The following TMEM132B variants were observed in gnomAD, a reference collection of about 807,000 sequenced individuals.
TMEM132B encodes the protein transmembrane protein 132B.
Under a neutral mutation model 90.8 loss-of-function variants are expected in TMEM132B, and 18 were observed. That is an observed-to-expected ratio of 0.20 (90% confidence interval 0.14 to 0.29). The LOEUF is 0.29. TMEM132B is among the 10% of genes least tolerant of loss of function. The pLI is 1.00. For missense variants in TMEM132B, 1,096 were observed against 1,326.8 expected (o/e 0.83, Z 2.70); for synonymous variants, 504 against 523.3 (o/e 0.96, Z 0.50).
rs77370594 is a variant in TMEM132B at position 125,342,387 on chromosome 12, A to G, written c.68-7065A>G. On this transcript the variant is annotated intron_variant, in intron 1 of 8. Transcript: ENST00000682704. ...TTTAACTCCCCTCACCCCGTGCCTC[A>G]GTTTCCTCCTCTGTTAAGTGGGATG... Among the ~76,000 whole-genome samples the G allele has an allele frequency of 2.0e-5, 3 of 152,312 alleles. No individual in the cohort carries two copies. In the East Asian group the frequency reaches 5.8e-4, roughly 29 times the overall value.
rs1387405730 is a variant in TMEM132B, at chr12:125,603,484, A to C, written c.1437+19490A>C. On this transcript the variant is annotated intron_variant, in intron 5 of 8. Transcript: ENST00000682704. ...ATTAAAGACTTACATGTGAAACCCCAAACCATAAAAACCCCACAAGAAAAC... is the reference window on the plus strand; with the variant it reads ...ATTAAAGACTTACATGTGAAACCCCCAACCATAAAAACCCCACAAGAAAAC... Among the ~76,000 whole-genome samples the C allele has an allele frequency of 1.2e-4, 18 of 152,216 alleles. 1 individual carries two copies.
intron 3 of TMEM132B, among the ~76,000 whole-genome samples, chr12:125,417,215 G>C (rs530281836): frequency 1.3e-4 from 20 of 152,126 alleles, no homozygotes; most frequent in African/African-American, 4.6e-4. Flanking sequence ...AGACTGGAAG[G>C]GGGAGGCGGG....
At chr12:125,614,292 C>A (rs577761730) in intron 5 of TMEM132B, among the ~76,000 whole-genome samples, 1 of 152,254 alleles carries the variant, frequency 6.6e-6, no homozygotes, top group South Asian at 2.1e-4. Flanking sequence ...TAGTAGTCCA[C>A]AGTGTCTGTT....
intron 4 of TMEM132B, among the ~76,000 whole-genome samples, chr12:125,581,727 T>C (rs75855696): frequency 6.6e-6 from 1 of 151,846 alleles, no homozygotes; most frequent in African/African-American, 2.4e-5. Context: ...TTTTTTTTTT[T>C]CAGCTGCATG....
At chr12:125,441,693 T>C (rs1460716182) in intron 3 of TMEM132B, among the ~76,000 whole-genome samples, 5 of 152,208 alleles carry the variant, frequency 3.3e-5, no homozygotes. Flanking sequence ...TTTAAAAGGC[T>C]GGTGTAGCCT....
chr12:125,307,490 T>G (rs565559730), intron 1 of TMEM132B, among the ~76,000 whole-genome samples: 1 of 152,140 alleles, frequency 6.6e-6, no homozygotes, highest in Non-Finnish European at 1.5e-5. Context: ...GGACCGTTGT[T>G]GGATTGAATG....
chr12:125,583,570 A>G lies in TMEM132B; in HGVS notation c.1294-281A>G, dbSNP rs570124755. 2.1e-3 allele frequency among the ~76,000 whole-genome samples: 318 copies of G among 152,168 alleles called. 2 individuals carry two copies. The highest frequency in any genetic ancestry group is 7.4e-3 in the African/African-American group (309 of 41,524). ...GTCTGTGGGACTGAGGGCGGCGGGG[A>G]TGGAGTAAGGGAGAGGAGGTCAGGG... On this transcript the variant is annotated intron_variant, in intron 4 of 8. Transcript: ENST00000682704.
At chr12:125,505,195 A>AAAAAAAAAC (rs1183847146) in intron 3 of TMEM132B, among the ~76,000 whole-genome samples, 1 of 147,896 alleles carries the variant, frequency 6.8e-6, no homozygotes, top group Non-Finnish European at 1.5e-5. Context: ...AAAAAAAAAA[A>AAAAAAAAAC]CAGTAAGTGG....
At chr12:125,257,242 G>C (rs1874458044) in intron 1 of TMEM132B, among the ~76,000 whole-genome samples, 1 of 152,108 alleles carries the variant, frequency 6.6e-6, no homozygotes, top group Admixed American at 6.5e-5. Context: ...GGAGTTCAAG[G>C]CTGCTGGGAG....
At chr12:125,356,897 C>A (rs528401977) in intron 2 of TMEM132B, among the ~76,000 whole-genome samples, 13 of 152,212 alleles carry the variant, frequency 8.5e-5, no homozygotes, top group African/African-American at 3.1e-4. Flanking sequence ...GGCCTCTTGC[C>A]CTGTCCTGAT....
At chr12:125,219,143 T>C (rs1210102408) in intron 1 of TMEM132B, among the ~76,000 whole-genome samples, 1 of 152,182 alleles carries the variant, frequency 6.6e-6, no homozygotes, top group Non-Finnish European at 1.5e-5. Flanking sequence ...TTGCAATAAG[T>C]TGCACTTTTT....
chr12:125,632,271 A>G (rs1886383497), intron 5 of TMEM132B, among the ~76,000 whole-genome samples: 1 of 151,916 alleles, frequency 6.6e-6, no homozygotes, highest in African/African-American at 2.4e-5. Flanking sequence ...GAAAACTAAT[A>G]AAAACTCTAC....
At chr12:125,592,607 A>G (rs1304846123) in intron 5 of TMEM132B, among the ~76,000 whole-genome samples, 3 of 152,158 alleles carry the variant, frequency 2.0e-5, no homozygotes, top group Admixed American at 6.5e-5. Context: ...ATAAAGCCTG[A>G]TGGAAAACAT....
chr12:125,483,945 G>C (rs1242269057), intron 3 of TMEM132B, among the ~76,000 whole-genome samples: 3 of 152,316 alleles, frequency 2.0e-5, no homozygotes, highest in Non-Finnish European at 2.9e-5. Flanking sequence ...AGGGAGGAAG[G>C]ATTAACCTAA....
intron 1 of TMEM132B, among the ~76,000 whole-genome samples, chr12:125,211,627 CTAAAAA>C (rs774793616): frequency 8.1e-4 from 124 of 152,320 alleles, no homozygotes; most frequent in Admixed American, 6.1e-3. Context: ...AAAATAAAGA[CTAAAAA>C]TAGAAGGCAG....
chr12:125,270,209 TC>T (rs1874802972), intron 1 of TMEM132B, among the ~76,000 whole-genome samples: 1 of 151,502 alleles, frequency 6.6e-6, no homozygotes, highest in Admixed American at 6.6e-5. Context: ...CAATCACAGC[TC>T]ACTGCAGCCT....
chr12:125,197,153 C>T, intron 1 of TMEM132B, among the ~76,000 whole-genome samples: 1 of 151,850 alleles, frequency 6.6e-6, no homozygotes, highest in East Asian at 1.9e-4. Context: ...CTCCCGCCTC[C>T]CACCCTGCAC....
rs558450693 is a variant in TMEM132B at position 125,504,842 on chromosome 12, A to G, written c.1107-14597A>G. Among the ~76,000 whole-genome samples the G allele has an allele frequency of 1.4e-4, 22 of 152,036 alleles. No individual in the cohort carries two copies. In the South Asian group the frequency reaches 2.3e-3, roughly 16 times the overall value. On this transcript the variant is annotated intron_variant, in intron 3 of 8. Coordinates refer to ENST00000682704, the MANE Select transcript of TMEM132B (RefSeq NM_001366854.1). Reference sequence around the variant, plus strand: ...CAGTCTTACCGGCTTGAAGAACCAGAGGCAGTGTTTGGGGCAACCACAACC... The same window carrying G: ...CAGTCTTACCGGCTTGAAGAACCAGGGGCAGTGTTTGGGGCAACCACAACC...
At chr12:125,608,856 G>A (rs1197560329) in intron 5 of TMEM132B, among the ~76,000 whole-genome samples, 1 of 151,108 alleles carries the variant, frequency 6.6e-6, no homozygotes, top group African/African-American at 2.4e-5. Flanking sequence ...TGGCACCTTT[G>A]AAAAAAAAAT....
Sources: gnomAD v4.1 joint callset for allele counts (sites outside exome capture counted in the v4.1 genomes callset) on GRCh38, gnomAD v4.1.1 for gene constraint, MANE v1.5 for transcripts, NCBI Gene and HGNC (gene_info 2026-07-23, HGNC 2026-07-21) for gene names.